The following TENM4 variants were observed in gnomAD, a reference collection of about 807,000 sequenced individuals.
TENM4 encodes the protein teneurin transmembrane protein 4, also known as teneurin-4.
A neutral mutation model predicts 243.3 loss-of-function variants in TENM4; 82 were observed. That is an observed-to-expected ratio of 0.34 (90% CI 0.28 to 0.40). The LOEUF is 0.40. Ranked by LOEUF, TENM4 falls within the 10% of genes least tolerant of loss-of-function variation. The pLI, the probability that TENM4 is intolerant of heterozygous loss-of-function variation, is 1.00. For missense variants in TENM4, 3,138 were observed against 3,673.3 expected, an observed-to-expected ratio of 0.85 and a Z score of 3.77; for synonymous variants, 1,412 against 1,456.3, an observed-to-expected ratio of 0.97 and a Z score of 0.69.
At chr11:79,046,972 G>A (rs1401116472) in intron 6 of TENM4, among the ~76,000 whole-genome samples, 1 of 152,154 alleles carries the variant, frequency 6.6e-6, no homozygotes, top group Non-Finnish European at 1.5e-5. Context: ...AAGACGCGAT[G>A]AGAACCCATT....
chr11:79,069,917 G>A lies in TENM4; in HGVS notation c.28C>T (p.Arg10Cys), dbSNP rs1860366429. MDVKERKPY[R>C]SLTRRRDAER... The stretch of plus-strand genomic sequence containing the variant: ...GCGTCGCGGCGCCGGGTCAGCGAGC[G>A]GTAAGGCTTCCTCTCCTTCACGTCC... The change falls in exon 5 of 34, where the codon CGC (arginine) becomes TGC (cysteine). Residue 10 changes from arginine (R) to cysteine (C), a missense_variant. Arg to Cys is a radical substitution (Grantham distance 180). This residue lies in a region of TENM4 where 671 missense variants were observed against 614.1 expected (regional missense o/e 1.09). Coordinates refer to ENST00000278550, the MANE Select transcript of TENM4 (RefSeq NM_001098816.3). 5 of 1,547,086 alleles carry A rather than the reference G, an allele frequency of 3.2e-6. No individual in the cohort carries two copies. Among genetic ancestry groups the A allele is most frequent in the Admixed American group, 2.0e-5 (1 of 50,976 alleles).
chr11:78,926,126 T>C (rs929826604), intron 6 of TENM4, among the ~76,000 whole-genome samples: 2 of 152,124 alleles, frequency 1.3e-5, no homozygotes, highest in South Asian at 4.1e-4. Context: ...ACAGATAATG[T>C]ATAAAATTAA....
chr11:79,210,476 C>G (rs892096458), intron 3 of TENM4, among the ~76,000 whole-genome samples: 3 of 152,166 alleles, frequency 2.0e-5, no homozygotes, highest in Non-Finnish European at 4.4e-5. Flanking sequence ...AGAAACACAT[C>G]TTTAAAAGAG....
chr11:79,388,906 C>G (rs1207490351), intron 1 of TENM4, among the ~76,000 whole-genome samples: 2 of 152,142 alleles, frequency 1.3e-5, no homozygotes, highest in East Asian at 3.9e-4. Context: ...TGTGCATTCC[C>G]AGAGGGAACA....
At chr11:78,825,664 G>A (rs978635608) in intron 12 of TENM4, among the ~76,000 whole-genome samples, 2 of 152,216 alleles carry the variant, frequency 1.3e-5, no homozygotes, top group African/African-American at 4.8e-5. Flanking sequence ...GGTCCTCCAG[G>A]AGGTAGTATT....
intron 29 of TENM4, among the ~76,000 whole-genome samples, chr11:78,685,520 A>T (rs148666680): frequency 6.6e-6 from 1 of 152,204 alleles, no homozygotes; most frequent in Non-Finnish European, 1.5e-5. Context: ...TGAAATTGGA[A>T]TGTGTCCACG....
At chr11:79,223,765 C>T (rs141950884) in intron 2 of TENM4, among the ~76,000 whole-genome samples, 16 of 152,306 alleles carry the variant, frequency 1.1e-4, no homozygotes, top group African/African-American at 3.6e-4. Context: ...CCACTAGTTT[C>T]CCTGGGCAGC....
Position 78,812,255 on chromosome 11 carries a change from G to A in TENM4, c.1845C>T (p.His615=). 1 of 1,552,098 alleles carries A rather than the reference G, an allele frequency of 6.4e-7. No individual in the cohort carries two copies. The change falls in exon 14 of 34, where the codon CAC becomes CAT. Residue 615 remains histidine (H), a synonymous_variant. Coordinates refer to ENST00000278550, the MANE Select transcript of TENM4 (RefSeq NM_001098816.3). Reference sequence around the variant, plus strand: ...CGCACTCAGCGCCTTTCCAGCCACTGTGGCACAAGCATCTGCCTTTCATGT... The same window carrying A: ...CGCACTCAGCGCCTTTCCAGCCACTATGGCACAAGCATCTGCCTTTCATGT... ...GQYMKGRCLC[H]SGWKGAECDV...
In TENM4 at chr11:78,738,587, G is replaced by A. The variant is rs772297065; in HGVS notation, c.2757-17C>T. 6.2e-7 allele frequency: 1 copy of A among 1,612,004 alleles called. No individual in the cohort carries two copies. Among genetic ancestry groups the A allele is most frequent in the South Asian group, 1.1e-5 (1 of 90,460 alleles). On this transcript the variant is annotated splice_polypyrimidine_tract_variant and intron_variant, in intron 19 of 33. Transcript: ENST00000278550. Reference sequence around the variant, plus strand: ...CAAGCATGCCTGTGGGAAGAGAAGAGAGAATAAACATGATACACCTTTCAT... The same window carrying A: ...CAAGCATGCCTGTGGGAAGAGAAGAAAGAATAAACATGATACACCTTTCAT...
At chr11:79,213,067 G>A (rs1244436685) in intron 3 of TENM4, among the ~76,000 whole-genome samples, 1 of 152,140 alleles carries the variant, frequency 6.6e-6, no homozygotes, top group Non-Finnish European at 1.5e-5. Flanking sequence ...GGGGATGAAT[G>A]GATAATGTCT....
intron 6 of TENM4, among the ~76,000 whole-genome samples, chr11:79,033,769 TATAA>T (rs1859307122): frequency 6.6e-6 from 1 of 152,192 alleles, no homozygotes; most frequent in Non-Finnish European, 1.5e-5. Flanking sequence ...TCTAAGCAAA[TATAA>T]ATAAATAAAT....
chr11:79,186,093 G>A (rs903924863), intron 3 of TENM4, among the ~76,000 whole-genome samples: 1 of 152,188 alleles, frequency 6.6e-6, no homozygotes, highest in Admixed American at 6.5e-5. Flanking sequence ...GCAAAGCTAG[G>A]ATTTAAATCC....
At chr11:79,152,669 C>T (rs982986466) in intron 3 of TENM4, among the ~76,000 whole-genome samples, 2 of 152,328 alleles carry the variant, frequency 1.3e-5, no homozygotes, top group African/African-American at 4.8e-5. Context: ...TCCTCCAACC[C>T]CTTCCAATGC....
intron 2 of TENM4, among the ~76,000 whole-genome samples, chr11:79,231,768 T>A (rs1185562823): frequency 2.6e-5 from 4 of 152,194 alleles, no homozygotes; most frequent in Non-Finnish European, 5.9e-5. Flanking sequence ...TGAGTGCAAC[T>A]GAATGTGAAA....
chr11:78,820,811 C>T (rs1197558566), intron 12 of TENM4, among the ~76,000 whole-genome samples: 2 of 152,224 alleles, frequency 1.3e-5, no homozygotes, highest in Non-Finnish European at 2.9e-5. Context: ...TGGGGGAAAG[C>T]GCTGTGAAAG....
chr11:78,950,361 GC>G (rs1857086399), intron 6 of TENM4, among the ~76,000 whole-genome samples: 1 of 152,046 alleles, frequency 6.6e-6, no homozygotes, highest in African/African-American at 2.4e-5. Flanking sequence ...GATCCTCTGT[GC>G]AGCAGGGTAG....
At chr11:78,785,163 A>T (rs545677538) in intron 16 of TENM4, among the ~76,000 whole-genome samples, 1 of 151,044 alleles carries the variant, frequency 6.6e-6, no homozygotes, top group South Asian at 2.1e-4. Context: ...AGGTGAGGGG[A>T]AAGCAGAGTT....
chr11:79,383,246 C>A (rs181509728), intron 1 of TENM4, among the ~76,000 whole-genome samples: 1 of 152,336 alleles, frequency 6.6e-6, no homozygotes, highest in African/African-American at 2.4e-5. Flanking sequence ...CACTACAATG[C>A]CAGCTCCTGC....
At chr11:78,993,211 G>A (rs562644330) in intron 6 of TENM4, among the ~76,000 whole-genome samples, 6 of 152,284 alleles carry the variant, frequency 3.9e-5, no homozygotes, top group Middle Eastern at 3.4e-3. Flanking sequence ...AGAGTCAAAG[G>A]GGAGTTGAGG....
Sources: allele counts gnomAD v4.1 joint callset (sites outside exome capture counted in the v4.1 genomes callset), GRCh38; gene constraint gnomAD v4.1.1; regional missense constraint gnomAD v4.1.1; transcripts MANE v1.5; gene names NCBI Gene and HGNC (gene_info 2026-07-23, HGNC 2026-07-21).